CMSS1: variants seen among roughly 807,000 people sequenced by gnomAD.
CMSS1 encodes the protein protein CMSS1.
CMSS1 carries 33 observed loss-of-function variants against 43.5 expected under a neutral mutation model. That is an observed-to-expected ratio of 0.76 (90% CI 0.57 to 1.01). CMSS1 has a LOEUF of 1.01. Among genes scored for constraint, CMSS1 ranks in the 50% least tolerant of loss-of-function variants. The pLI is 0.00. For synonymous variants in CMSS1, 115 were observed against 117.2 expected, an observed-to-expected ratio of 0.98 and a Z score of 0.12; for missense variants, 313 against 326.4, an observed-to-expected ratio of 0.96 and a Z score of 0.32.
chr3:100,018,649 A>G (rs1386028746), intron 1 of CMSS1, among the ~76,000 whole-genome samples: 2 of 151,786 alleles, frequency 1.3e-5, no homozygotes, highest in Non-Finnish European at 2.9e-5. Context: ...CTGGGTAGGG[A>G]TTTTTTGGAT....
chr3:100,032,260 T>C (rs547273390), intron 1 of CMSS1, among the ~76,000 whole-genome samples: 2 of 152,338 alleles, frequency 1.3e-5, no homozygotes, highest in East Asian at 3.9e-4. Context: ...CGTTGGCCCT[T>C]GATTCTGTTT....
At position 100,181,411 on chromosome 3, in the gene CMSS1, A is replaced by G. The variant is rs1025490293; in HGVS notation, c.*3023A>G. ...TGTGTTAAATTCTTGTATAACCATA[A>G]TAGAGTTATCAAAACTAAGAAGTCA... On this transcript the variant is annotated 3_prime_UTR_variant, in exon 10 of 10. Coordinates refer to ENST00000421999, the MANE Select transcript of CMSS1 (RefSeq NM_032359.4). 6.6e-6 allele frequency: 1 copy of G among 152,214 alleles called. No individual in the cohort carries two copies. The highest frequency in any genetic ancestry group is 1.5e-5 in the Non-Finnish European group (1 of 68,034). 9.4% of individuals were successfully genotyped at this position (152,214 alleles called of 1,614,324 possible). A position where few individuals can be genotyped will look rare whatever the true frequency, so the allele number is the denominator to read the frequency against.
At chr3:99,945,359 C>A (rs1707978020) in intron 1 of CMSS1, among the ~76,000 whole-genome samples, 1 of 152,146 alleles carries the variant, frequency 6.6e-6, no homozygotes, top group Admixed American at 6.5e-5. Context: ...GGACCTCAGA[C>A]TCTCTGAGGT....
chr3:100,095,135 A>T (rs1022757572), intron 1 of CMSS1, among the ~76,000 whole-genome samples: 1 of 152,264 alleles, frequency 6.6e-6, no homozygotes, highest in South Asian at 2.1e-4. Flanking sequence ...CTTGATTACT[A>T]TAGTTAAAAA....
intron 1 of CMSS1, among the ~76,000 whole-genome samples, chr3:99,864,776 G>A (rs1005992426): frequency 5.3e-5 from 8 of 151,838 alleles, no homozygotes; most frequent in African/African-American, 1.5e-4. Context: ...TTTTGTGCTC[G>A]CTGTCTCCCC....
intron 1 of CMSS1, among the ~76,000 whole-genome samples, chr3:100,051,656 T>C (rs1213450858): frequency 6.6e-6 from 1 of 151,728 alleles, no homozygotes; most frequent in Admixed American, 6.6e-5. Context: ...GGTTTTCAGC[T>C]TCATCCATGT....
At chr3:100,121,340 TG>T (rs2066618056) in intron 1 of CMSS1, among the ~76,000 whole-genome samples, 2 of 139,928 alleles carry the variant, frequency 1.4e-5, no homozygotes, top group Admixed American at 7.9e-5. Context: ...GAACATGAGG[TG>T]TTGGTTTTCT....
chr3:100,169,741 A>C (rs2067094604), intron 6 of CMSS1, among the ~76,000 whole-genome samples: 1 of 152,228 alleles, frequency 6.6e-6, no homozygotes, highest in Admixed American at 6.5e-5. Flanking sequence ...GCTTCCGGGC[A>C]GCTGTACTTG....
intron 1 of CMSS1, among the ~76,000 whole-genome samples, chr3:99,927,433 G>A (rs1707329402): frequency 6.6e-6 from 1 of 150,802 alleles, no homozygotes; most frequent in Non-Finnish European, 1.5e-5. Flanking sequence ...GCAATGGCGT[G>A]ATCTCAGCTC....
At chr3:99,865,553 C>T (rs918113372) in intron 1 of CMSS1, among the ~76,000 whole-genome samples, 2 of 152,076 alleles carry the variant, frequency 1.3e-5, no homozygotes, top group South Asian at 2.1e-4. Context: ...TAGCAAGTTT[C>T]GTCATTTGGC....
intron 1 of CMSS1, among the ~76,000 whole-genome samples, chr3:99,823,008 G>C (rs1942469814): frequency 6.6e-6 from 1 of 152,102 alleles, no homozygotes; most frequent in African/African-American, 2.4e-5. Context: ...TCATATGCAG[G>C]CAGTCTGAAA....
intron 1 of CMSS1, chr3:99,876,295 C>T (rs1006650404): frequency 1.2e-6 from 1 of 809,834 alleles, no homozygotes; most frequent in Non-Finnish European, 1.5e-6. Flanking sequence ...TCGGCCGCGG[C>T]GGCGGCGCAG....
intron 1 of CMSS1, among the ~76,000 whole-genome samples, chr3:99,938,945 T>A (rs894483161): frequency 6.6e-6 from 1 of 152,186 alleles, no homozygotes; most frequent in African/African-American, 2.4e-5. Context: ...GAAAACAAGA[T>A]AACCTAATTT....
intron 1 of CMSS1, among the ~76,000 whole-genome samples, chr3:99,959,574 T>C (rs1257729977): frequency 6.6e-6 from 1 of 152,230 alleles, no homozygotes; most frequent in Non-Finnish European, 1.5e-5. Context: ...TGAGCCTTAG[T>C]TTTCCACGTG....
chr3:100,105,713 G>A lies in CMSS1; in HGVS notation c.65-41260G>A, dbSNP rs72936561. ...TGAAAAACAACTGCTAGGTCAAGCT[G>A]ATGCAATCCCAGGAGACATTTCAGA... On this transcript the variant is annotated intron_variant, in intron 1 of 9. Transcript: ENST00000421999. Among the ~76,000 whole-genome samples, 703 of 152,272 alleles carry A rather than the reference G, an allele frequency of 4.6e-3. 7 individuals carry two copies. Among genetic ancestry groups the A allele is most frequent in the African/African-American group, 0.016 (674 of 41,550 alleles).
At chr3:99,895,956 T>C (rs1307081375) in intron 1 of CMSS1, among the ~76,000 whole-genome samples, 2 of 152,194 alleles carry the variant, frequency 1.3e-5, no homozygotes, top group Non-Finnish European at 2.9e-5. Context: ...GTAAAGATAG[T>C]CTTTTTGTAG....
At chr3:100,036,591 A>G (rs2065111943) in intron 1 of CMSS1, among the ~76,000 whole-genome samples, 1 of 152,250 alleles carries the variant, frequency 6.6e-6, no homozygotes, top group Non-Finnish European at 1.5e-5. Flanking sequence ...TAAATGTAGA[A>G]GAAATATAGA....
chr3:99,885,823 C>T (rs942448915), intron 1 of CMSS1, among the ~76,000 whole-genome samples: 4 of 152,158 alleles, frequency 2.6e-5, no homozygotes, highest in African/African-American at 7.2e-5. Flanking sequence ...TGTACATTTA[C>T]CAACTACTAC....
At chr3:99,852,602 C>T (rs1043223551) in intron 1 of CMSS1, among the ~76,000 whole-genome samples, 1 of 152,032 alleles carries the variant, frequency 6.6e-6, no homozygotes, top group African/African-American at 2.4e-5. Context: ...CGCACCACCA[C>T]GCCCAGCTAA....
Sources: gnomAD v4.1 joint callset for allele counts (sites outside exome capture counted in the v4.1 genomes callset) on GRCh38, gnomAD v4.1.1 for gene constraint, MANE v1.5 for transcripts, NCBI Gene and HGNC (gene_info 2026-07-23, HGNC 2026-07-21) for gene names.